Variants in DGKH observed in about 807,000 individuals in gnomAD.
The protein encoded by DGKH is diacylglycerol kinase eta.
DGKH carries 90 observed loss-of-function variants against 159.3 expected under a neutral mutation model. The ratio of observed to expected loss-of-function variants is 0.57; its 90% CI spans 0.48 to 0.67. DGKH has a LOEUF of 0.67. Among genes scored for constraint, DGKH ranks in the 30% least tolerant of loss-of-function variants. DGKH has a pLI of 0.00. For synonymous variants in DGKH, 536 were observed against 553.8 expected (o/e 0.97, Z 0.45); for missense variants, 1,181 against 1,506.1 (o/e 0.78, Z 3.57).
intron 7 of DGKH, among the ~76,000 whole-genome samples, chr13:42,164,636 C>G (rs1956269240): frequency 6.6e-6 from 1 of 152,160 alleles, no homozygotes; most frequent in Admixed American, 6.5e-5. Context: ...TGCCTGGGTC[C>G]TACTTAATAA....
chr13:42,183,283 C>T (rs190997664), intron 13 of DGKH, among the ~76,000 whole-genome samples: 331 of 140,422 alleles, frequency 2.4e-3, no homozygotes, highest in South Asian at 8.0e-3. Context: ...AGTGAGATCC[C>T]GTCTTAAAAA....
intron 3 of DGKH, among the ~76,000 whole-genome samples, chr13:42,154,911 C>G (rs1956005088): frequency 6.6e-6 from 1 of 151,898 alleles, no homozygotes; most frequent in African/African-American, 2.4e-5. Flanking sequence ...TTTAATATTG[C>G]ATTCCTTTGA....
chr13:42,053,573 TATGTATATATATA>T (rs1369109674), intron 1 of DGKH, among the ~76,000 whole-genome samples: 1 of 97,324 alleles, frequency 1.0e-5, no homozygotes, highest in Non-Finnish European at 2.1e-5. Flanking sequence ...TATAACTATA[TATGTATATATATA>T]ACTATATATA....
At position 42,233,650 on chromosome 13, in the gene DGKH, T is replaced by G. The variant is rs1958353045; in HGVS notation, c.*4462T>G. 6.6e-6 allele frequency: 1 copy of G among 152,292 alleles called. No individual in the cohort carries two copies. The highest frequency in any genetic ancestry group is 1.9e-4 in the East Asian group (1 of 5,206). The allele number at this position is 152,292 out of a possible 1,614,324, so 9.4% of individuals were successfully genotyped here. ...AGTGGTTGTATTTTTGTAGCCAGTGTGGGACACAGGAGATTGGCAGACCAA... is the reference window on the plus strand; with the variant it reads ...AGTGGTTGTATTTTTGTAGCCAGTGGGGGACACAGGAGATTGGCAGACCAA... On this transcript the variant is annotated 3_prime_UTR_variant, in exon 30 of 30. Transcript: ENST00000337343.
At chr13:42,069,417 T>C in intron 1 of DGKH, 2 of 1,542,444 alleles carry the variant, frequency 1.3e-6, no homozygotes, top group South Asian at 2.4e-5. Flanking sequence ...CAATTCTAGT[T>C]GGGACACTGA....
chr13:42,126,642 C>A (rs1231469759), intron 1 of DGKH, among the ~76,000 whole-genome samples: 1 of 152,184 alleles, frequency 6.6e-6, no homozygotes, highest in Non-Finnish European at 1.5e-5. Context: ...TCCCTCTGCT[C>A]CCTCTTGCAA....
At position 42,201,815 on chromosome 13, in the gene DGKH, A is replaced by G. The variant is rs1490879343; in HGVS notation, c.2493+1906A>G. On this transcript the variant is annotated intron_variant, in intron 20 of 29. Coordinates refer to ENST00000337343, the MANE Select transcript of DGKH (RefSeq NM_178009.5). ...TTCATCGTTACCGTATCAAATAAAAATCTAATGGCATGTCTAATAAATACC... is the reference window on the plus strand; with the variant it reads ...TTCATCGTTACCGTATCAAATAAAAGTCTAATGGCATGTCTAATAAATACC... Among the ~76,000 whole-genome samples, 3 of 152,222 alleles carry G rather than the reference A, an allele frequency of 2.0e-5. No individual in the cohort carries two copies. In the East Asian group the frequency reaches 5.8e-4, roughly 29 times the overall value.
intron 1 of DGKH, among the ~76,000 whole-genome samples, chr13:42,074,662 C>T (rs899467243): frequency 1.3e-5 from 2 of 151,754 alleles, no homozygotes; most frequent in Non-Finnish European, 2.9e-5. Context: ...ATCCATCCAT[C>T]CATCCATCCA....
At chr13:42,245,815 C>T (rs183929671), downstream of DGKH, among the ~76,000 whole-genome samples, 1 of 152,096 alleles carries the variant, frequency 6.6e-6, no homozygotes, top group African/African-American at 2.4e-5. Flanking sequence ...GAACCCCTGA[C>T]CTCATGATCC....
chr13:42,195,110 GATAA>G, intron 17 of DGKH, 94 bp downstream of exon 17: 1 of 1,451,652 alleles, frequency 6.9e-7, no homozygotes, highest in Non-Finnish European at 9.3e-7. Flanking sequence ...TGTTCTTAAA[GATAA>G]ATATTCTTTA....
At chr13:42,209,921 A>G (rs1957599534) in intron 23 of DGKH, among the ~76,000 whole-genome samples, 1 of 151,502 alleles carries the variant, frequency 6.6e-6, no homozygotes, top group African/African-American at 2.4e-5. Context: ...AAATTATTTC[A>G]CGACCCTAAA....
chr13:42,106,587 G>A (rs1954762095), intron 1 of DGKH, among the ~76,000 whole-genome samples: 1 of 152,190 alleles, frequency 6.6e-6, no homozygotes, highest in Non-Finnish European at 1.5e-5. Context: ...ATGTGGGTAG[G>A]ATGAAGAAAT....
At chr13:42,168,610 A>G in intron 10 of DGKH, 62 bp downstream of exon 10, 3 of 1,613,432 alleles carry the variant, frequency 1.9e-6, no homozygotes, top group Non-Finnish European at 1.7e-6. Context: ...CTTACCAGAG[A>G]GGTGCAGAAA....
At chr13:42,102,365 G>T (rs1954667936) in intron 1 of DGKH, among the ~76,000 whole-genome samples, 2 of 152,260 alleles carry the variant, frequency 1.3e-5, no homozygotes, top group African/African-American at 2.4e-5. Flanking sequence ...CCAGGGGCCA[G>T]GAGAAGCCTG....
intron 3 of DGKH, among the ~76,000 whole-genome samples, chr13:42,142,502 A>C (rs955380571): frequency 2.0e-5 from 3 of 151,330 alleles, no homozygotes; most frequent in African/African-American, 7.3e-5. Context: ...GGCCATTTTC[A>C]TGATATTGAT....
At chr13:42,113,072 T>C (rs1308600271) in intron 1 of DGKH, among the ~76,000 whole-genome samples, 2 of 152,192 alleles carry the variant, frequency 1.3e-5, no homozygotes, top group African/African-American at 4.8e-5. Flanking sequence ...ACAGTGAGCA[T>C]GCTCAGTCAT....
At chr13:42,116,506 C>A (rs1196565927) in intron 1 of DGKH, among the ~76,000 whole-genome samples, 3 of 152,244 alleles carry the variant, frequency 2.0e-5, no homozygotes, top group Admixed American at 6.5e-5. Context: ...TGCATCCTCA[C>A]TGACCTTTGC....
chr13:42,188,224 T>C (rs1190766561), intron 14 of DGKH, among the ~76,000 whole-genome samples: 1 of 152,166 alleles, frequency 6.6e-6, no homozygotes, highest in Admixed American at 6.5e-5. Flanking sequence ...CAAAGACAAA[T>C]AGATGAGGAG....
chr13:42,169,412 T>C (rs141471193), intron 11 of DGKH, among the ~76,000 whole-genome samples: 1 of 152,286 alleles, frequency 6.6e-6, no homozygotes, highest in East Asian at 1.9e-4. Context: ...TTAATTGCTT[T>C]CTCTCTGAAT....
Sources: gnomAD v4.1 joint callset for allele counts (sites outside exome capture counted in the v4.1 genomes callset) on GRCh38, gnomAD v4.1.1 for gene constraint, MANE v1.5 for transcripts, NCBI Gene and HGNC (gene_info 2026-07-23, HGNC 2026-07-21) for gene names.